The following CD63 variants were observed in gnomAD, a reference collection of about 807,000 sequenced individuals.
CD63 encodes CD63 molecule.
CD63 carries 16 observed loss-of-function variants against 29.2 expected under a neutral mutation model. The observed-to-expected ratio is 0.55, with a 90% CI of 0.37 to 0.83. The LOEUF is 0.83. Among genes scored for constraint, CD63 ranks in the 40% least tolerant of loss-of-function variants. The pLI is 0.00. For missense variants in CD63, 251 were observed against 297.3 expected (o/e 0.84, Z 1.15); for synonymous variants, 118 against 111.7 (o/e 1.06, Z -0.36).
chr12:55,723,721 T>C (rs1360629468), downstream of CD63: 2 of 739,038 alleles, frequency 2.7e-6, no homozygotes, highest in Middle Eastern at 2.3e-4. Flanking sequence ...CAAAAATACT[T>C]TCCTCCCTCT....
At position 55,725,637 on chromosome 12, in the gene CD63, A is replaced by G; in HGVS notation, c.652-11T>C. The stretch of plus-strand genomic sequence containing the variant: ...GACAATTCCCAAAACCTAGAAGGAA[A>G]GATGGGGACAGGGGTGGAGAGGAGT... On this transcript the variant is annotated splice_polypyrimidine_tract_variant and intron_variant, in intron 7 of 7. Coordinates refer to ENST00000257857, the MANE Select transcript of CD63 (RefSeq NM_001780.6). 1 of 1,613,586 alleles carries G rather than the reference A, an allele frequency of 6.2e-7. No individual in the cohort carries two copies. The highest frequency in any genetic ancestry group is 2.2e-5 in the East Asian group (1 of 44,872).
chr12:55,729,128 G>A (rs1877742073), upstream of CD63: 2 of 985,132 alleles, frequency 2.0e-6, no homozygotes, highest in Non-Finnish European at 2.4e-6. Context: ...TAACAGCTGC[G>A]GCCTGAGTCA....
intron 5 of CD63, 110 bp downstream of exon 5, chr12:55,726,590 C>G (rs1877396536): frequency 1.1e-5 from 9 of 852,996 alleles, no homozygotes; most frequent in East Asian, 2.4e-5. Flanking sequence ...GGTGATCTGC[C>G]CACCTCGGCC....
rs1592532852 is a variant in CD63 at position 55,727,853 on chromosome 12, C to T, written c.66+423G>A. On this transcript the variant is annotated intron_variant, in intron 2 of 7. Transcript: ENST00000257857. The stretch of plus-strand genomic sequence containing the variant: ...CAGGAGCAAATTGAAGTGGGCAGAG[C>T]CCTTCCTCACCCCCAAGCGCTGGGA... 1.7e-5 allele frequency: 18 copies of T among 1,058,020 alleles called. No homozygotes were observed. The South Asian group carries it at 3.7e-4, about 22-fold the overall frequency. 65.5% of individuals were successfully genotyped at this position (1,058,020 alleles called of 1,614,324 possible).
chr12:55,724,266 T>C (rs1453066099), downstream of CD63: 1 of 1,596,324 alleles, frequency 6.3e-7, no homozygotes, highest in Non-Finnish European at 8.6e-7. Context: ...AGACAGTACC[T>C]AAGATGGGCT....
downstream of CD63, chr12:55,723,878 G>C (rs143431876): frequency 1.1e-3 from 1,778 of 1,613,272 alleles, 16 homozygotes; most frequent in African/African-American, 0.021. Flanking sequence ...GCTCTGCCCC[G>C]ACTCTAGGCG....
In CD63 at chr12:55,728,553, G is replaced by A. The variant is rs996238120; in HGVS notation, c.-11-201C>T. 2.1e-6 allele frequency: 3 copies of A among 1,427,836 alleles called. No individual in the cohort carries two copies. The highest frequency in any genetic ancestry group is 1.4e-5 in the African/African-American group (1 of 69,304). The allele number at this position is 1,427,836 out of a possible 1,614,324, so 88.4% of individuals were successfully genotyped here. ...GGTGGGGGCGACGGCCGCGAAGCCC[G>A]GACCCCGCCCCGCCGCCTCTGGGGC... On this transcript the variant is annotated intron_variant, in intron 1 of 7. Coordinates refer to ENST00000257857, the MANE Select transcript of CD63 (RefSeq NM_001780.6). The surrounding 1 kb of genome is among the most constrained non-coding windows in gnomAD (Gnocchi z 4.8).
intron 2 of CD63, 148 bp from the exon 3 acceptor site, chr12:55,727,487 TA>T (rs1432563485): frequency 8.4e-7 from 1 of 1,186,980 alleles, no homozygotes; most frequent in East Asian, 2.7e-5. Context: ...GGCTGTGGGG[TA>T]GGGGGATGAC....
Position 55,728,895 on chromosome 12 carries a change from G to A in CD63, c.-12+58C>T. 2 of 987,010 alleles carry A rather than the reference G, an allele frequency of 2.0e-6. No homozygotes were observed. The highest frequency in any genetic ancestry group is 9.1e-5 in the South Asian group (2 of 21,984). The allele number at this position is 987,010 out of a possible 1,614,324, so 61.1% of individuals were successfully genotyped here. A position where few individuals can be genotyped will look rare whatever the true frequency, so the allele number is the denominator to read the frequency against. The stretch of plus-strand genomic sequence containing the variant: ...GCCTGGGGCGAGCCCTGGAGGAAGG[G>A]ACTGCGGGTGGTCTCTCCCAGCCCG... On this transcript the variant is annotated intron_variant, in intron 1 of 7. Transcript: ENST00000257857. The surrounding 1 kb of genome is among the most constrained non-coding windows in gnomAD (Gnocchi z 4.8).
At chr12:55,726,312 C>G (rs35746357) in intron 5 of CD63, 51 bp from the exon 6 acceptor site, 2 of 1,042,480 alleles carry the variant, frequency 1.9e-6, no homozygotes, top group East Asian at 5.1e-5. Context: ...GAACCTTCAC[C>G]TTCAATATGG....
chr12:55,727,698 C>T, intron 2 of CD63: 1 of 1,061,968 alleles, frequency 9.4e-7, no homozygotes. Context: ...AGTGCACATC[C>T]CACGCGCGCA....
At chr12:55,729,466 T>C (rs1877773834), upstream of CD63, 1 of 152,450 alleles carries the variant, frequency 6.6e-6, no homozygotes, top group Non-Finnish European at 1.5e-5. Flanking sequence ...CTCTCTCCTC[T>C]GGCTCCAACT....
Position 55,728,007 on chromosome 12 carries a change from T to C in CD63, c.66+269A>G. 1 of 984,212 alleles carries C rather than the reference T, an allele frequency of 1.0e-6. No homozygotes were observed. Among genetic ancestry groups the C allele is most frequent in the Non-Finnish European group, 1.4e-6 (1 of 716,818 alleles). The allele number at this position is 984,212 out of a possible 1,614,324, so 61.0% of individuals were successfully genotyped here. The stretch of plus-strand genomic sequence containing the variant: ...GTTGGCTGGTTGCCCCACTGCCCCA[T>C]ATCACAAGTGGTTGGGTCACCAGAC... On this transcript the variant is annotated intron_variant, in intron 2 of 7. Transcript: ENST00000257857. This position sits in a 1 kb window ranked among gnomAD's most constrained non-coding sequence, Gnocchi z 4.8.
intron 6 of CD63, 79 bp downstream of exon 6, chr12:55,726,042 G>T: frequency 6.4e-7 from 1 of 1,551,506 alleles, no homozygotes; most frequent in Non-Finnish European, 8.9e-7. Flanking sequence ...CCCTGACCCT[G>T]TCCACCTCCA....
chr12:55,726,636 C>T lies in CD63; in HGVS notation c.426+64G>A, dbSNP rs1877404925. 3.8e-6 allele frequency: 5 copies of T among 1,316,732 alleles called. No individual in the cohort carries two copies. The Admixed American group carries it at 8.4e-5, about 22-fold the overall frequency. The allele number at this position is 1,316,732 out of a possible 1,614,324, so 81.6% of individuals were successfully genotyped here. A position where few individuals can be genotyped will look rare whatever the true frequency, so the allele number is the denominator to read the frequency against. On this transcript the variant is annotated intron_variant, in intron 5 of 7. Coordinates refer to ENST00000257857, the MANE Select transcript of CD63 (RefSeq NM_001780.6). ...CTGAGATTACAGGCGTGAGTCACCACACCCAGCCTTGGAGATGAGAATTCT... is the reference window on the plus strand; with the variant it reads ...CTGAGATTACAGGCGTGAGTCACCATACCCAGCCTTGGAGATGAGAATTCT...
rs780024579 is a variant in CD63 at position 55,727,118 on chromosome 12, A to ATG, written c.255+32_255+33insCA. The ATG allele has an allele frequency of 3.1e-6, 5 of 1,599,436 alleles. No homozygotes were observed. In the African/African-American group the frequency reaches 6.7e-5, roughly 21 times the overall value. Reference sequence around the variant, plus strand: ...CGAACCAAGCTGCTCTGGCAGTCCCAGACCGCCCATGTTGGTCCCGCCCCC... The same window carrying ATG: ...CGAACCAAGCTGCTCTGGCAGTCCCATGGACCGCCCATGTTGGTCCCGCCCCC... On this transcript the variant is annotated intron_variant, in intron 3 of 7. Coordinates refer to ENST00000257857, the MANE Select transcript of CD63 (RefSeq NM_001780.6).
intron 3 of CD63, 64 bp downstream of exon 3, chr12:55,727,087 T>C: frequency 8.2e-7 from 1 of 1,223,592 alleles, no homozygotes; most frequent in Non-Finnish European, 1.2e-6. Context: ...CCCACCTTCC[T>C]GAGCCCGAAC....
rs935863307 is a variant in CD63 at position 55,728,471 on chromosome 12, C to A, written c.-11-119G>T. On this transcript the variant is annotated intron_variant, in intron 1 of 7. Transcript: ENST00000257857. This position sits in a 1 kb window ranked among gnomAD's most constrained non-coding sequence, Gnocchi z 4.8. ...GGCCCCGATTCCCGGCCCCTCCCAC[C>A]CGGAAACCCGCGGTCGGATCCACGT... 2.2e-5 allele frequency: 33 copies of A among 1,498,158 alleles called. No homozygotes were observed. The highest frequency in any genetic ancestry group is 2.7e-5 in the Non-Finnish European group (30 of 1,124,288). 92.8% of individuals were successfully genotyped at this position (1,498,158 alleles called of 1,614,324 possible).
At position 55,728,852 on chromosome 12, in the gene CD63, C is replaced by A. The variant is rs1038522525; in HGVS notation, c.-12+101G>T. On this transcript the variant is annotated intron_variant, in intron 1 of 7. Coordinates refer to ENST00000257857, the MANE Select transcript of CD63 (RefSeq NM_001780.6). This position sits in a 1 kb window ranked among gnomAD's most constrained non-coding sequence, Gnocchi z 4.8. ...GTTGCTCCAGGGCGGCTGGAGAGCG[C>A]CGGACGAGTCTCCGCGGGCCTGGGG... is the stretch of plus-strand genomic sequence containing the variant. The A allele has an allele frequency of 3.4e-5, 34 of 990,338 alleles. No homozygotes were observed. The highest frequency in any genetic ancestry group is 1.0e-3 in the Middle Eastern group (2 of 1,946). The allele number at this position is 990,338 out of a possible 1,614,324, so 61.3% of individuals were successfully genotyped here. A position where few individuals can be genotyped will look rare whatever the true frequency, so the allele number is the denominator to read the frequency against.
Sources: allele counts gnomAD v4.1 joint callset, GRCh38; gene constraint gnomAD v4.1.1; non-coding constraint Gnocchi (gnomAD v3.1); transcripts MANE v1.5; gene names NCBI Gene and HGNC (gene_info 2026-07-23, HGNC 2026-07-21).